RPS6KA2: variants seen among roughly 807,000 people sequenced by gnomAD.
RPS6KA2 encodes the protein ribosomal protein S6 kinase A2.
RPS6KA2 carries 42 observed loss-of-function variants against 91.8 expected under a neutral mutation model. The observed-to-expected ratio is 0.46, with a 90% CI of 0.36 to 0.59. The LOEUF is 0.59. RPS6KA2 is among the 20% of genes least tolerant of loss of function. RPS6KA2 has a pLI of 0.00. For synonymous variants in RPS6KA2, 414 were observed against 393.6 expected, an observed-to-expected ratio of 1.05 and a Z score of -0.61; for missense variants, 798 against 978.5, an observed-to-expected ratio of 0.82 and a Z score of 2.46.
At chr6:166,492,892 T>A (rs1211919511) in intron 8 of RPS6KA2, among the ~76,000 whole-genome samples, 2 of 58,506 alleles carry the variant, frequency 3.4e-5, no homozygotes, top group Non-Finnish European at 7.2e-5. Flanking sequence ...ATTTTTGTAT[T>A]TTTTTTTTTT....
chr6:166,481,890 T>C (rs1202894839), intron 10 of RPS6KA2, among the ~76,000 whole-genome samples: 3 of 150,738 alleles, frequency 2.0e-5, no homozygotes, highest in Non-Finnish European at 4.4e-5. Flanking sequence ...TCTGATAAGA[T>C]GGTAGACTGT....
At chr6:166,514,980 G>A (rs1240154803) in intron 3 of RPS6KA2, among the ~76,000 whole-genome samples, 2 of 152,266 alleles carry the variant, frequency 1.3e-5, no homozygotes, top group East Asian at 3.9e-4. Context: ...GACTTGGTTT[G>A]GAGCTTTGCT....
intron 2 of RPS6KA2, among the ~76,000 whole-genome samples, chr6:166,815,264 A>T (rs1779733791): frequency 6.6e-6 from 1 of 152,316 alleles, no homozygotes; most frequent in East Asian, 1.9e-4. Flanking sequence ...CATTTCCCAC[A>T]TTCTTTACAA....
chr6:166,567,454 A>C (rs982389382), intron 1 of RPS6KA2, among the ~76,000 whole-genome samples: 1 of 152,224 alleles, frequency 6.6e-6, no homozygotes, highest in African/African-American at 2.4e-5. Flanking sequence ...GCTGTCAGGG[A>C]GGAGCAAACA....
chr6:166,651,557 G>A (rs897145429), intron 2 of RPS6KA2, among the ~76,000 whole-genome samples: 1 of 152,208 alleles, frequency 6.6e-6, no homozygotes. Context: ...GGAAAGCTAC[G>A]AAGGCTGTTA....
chr6:166,699,489 T>C (rs567546670), intron 2 of RPS6KA2, among the ~76,000 whole-genome samples: 1 of 152,360 alleles, frequency 6.6e-6, no homozygotes, highest in East Asian at 1.9e-4. Context: ...CTAGTCTGTA[T>C]AGAAATTCAT....
chr6:166,791,948 T>A lies in RPS6KA2; in HGVS notation c.123+66252A>T, dbSNP rs868648775. On this transcript the variant is annotated intron_variant, in intron 2 of 21. Coordinates refer to the RPS6KA2 transcript ENST00000503859. Reference sequence around the variant, plus strand: ...AAAATTGACACCCTAACATCACAATTAAAGAACTAGAGAAGCAAGAGCAAA... The same window carrying A: ...AAAATTGACACCCTAACATCACAATAAAAGAACTAGAGAAGCAAGAGCAAA... Among the ~76,000 whole-genome samples, 826 of 151,454 alleles carry A rather than the reference T, an allele frequency of 5.5e-3. 16 individuals are homozygous for A. The highest frequency in any genetic ancestry group is 0.019 in the African/African-American group (771 of 41,152).
chr6:166,629,822 G>A (rs1787017101), upstream of RPS6KA2, among the ~76,000 whole-genome samples: 1 of 152,156 alleles, frequency 6.6e-6, no homozygotes, highest in South Asian at 2.1e-4. Flanking sequence ...GCTTCTATGA[G>A]TACCAGATTA....
intron 2 of RPS6KA2, among the ~76,000 whole-genome samples, chr6:166,634,242 G>T (rs1276483128): frequency 6.6e-6 from 1 of 152,230 alleles, no homozygotes; most frequent in East Asian, 1.9e-4. Flanking sequence ...GTGTCCTCAT[G>T]AAGAGCAAAC....
At position 166,495,951 on chromosome 6, in the gene RPS6KA2, GC is replaced by G. The variant is rs1301807235; in HGVS notation, c.747+2556del. 6.6e-6 allele frequency among the ~76,000 whole-genome samples: 1 copy of G among 152,188 alleles called. No individual in the cohort carries two copies. Among genetic ancestry groups the G allele is most frequent in the Non-Finnish European group, 1.5e-5 (1 of 68,032 alleles). On this transcript the variant is annotated intron_variant, in intron 8 of 20. Coordinates refer to ENST00000265678, the MANE Select transcript of RPS6KA2 (RefSeq NM_021135.6). This position sits in a 1 kb window ranked among gnomAD's most constrained non-coding sequence, Gnocchi z 4.4. Reference sequence around the variant, plus strand: ...CGTGGTCTCATTTCCTCTTCTTCTGGCCCCTCGTCGTGTCTCCATCTTTGGA... The same window carrying G: ...CGTGGTCTCATTTCCTCTTCTTCTGGCCCTCGTCGTGTCTCCATCTTTGGA...
intron 2 of RPS6KA2, among the ~76,000 whole-genome samples, chr6:166,850,298 C>T (rs1456449858): frequency 2.6e-5 from 4 of 151,150 alleles, no homozygotes; most frequent in African/African-American, 4.9e-5. Context: ...CAAACACACA[C>T]AGCATTATCT....
At chr6:166,778,729 G>A (rs1276436031) in intron 2 of RPS6KA2, among the ~76,000 whole-genome samples, 1 of 152,210 alleles carries the variant, frequency 6.6e-6, no homozygotes, top group Non-Finnish European at 1.5e-5. Flanking sequence ...TCATGCCATT[G>A]CACTCCAGCC....
intron 1 of RPS6KA2, among the ~76,000 whole-genome samples, chr6:166,568,574 C>T (rs764074892): frequency 9.6e-5 from 12 of 125,538 alleles, no homozygotes; most frequent in Non-Finnish European, 9.4e-5. Flanking sequence ...GCCGAGATTG[C>T]GCCATCGCAC....
intron 1 of RPS6KA2, among the ~76,000 whole-genome samples, chr6:166,618,031 G>A (rs1291764107): frequency 6.6e-6 from 1 of 152,266 alleles, no homozygotes; most frequent in Non-Finnish European, 1.5e-5. Context: ...GAGAGAACGT[G>A]AAGCTCTGCA....
intron 2 of RPS6KA2, among the ~76,000 whole-genome samples, chr6:166,750,110 C>A (rs887430930): frequency 3.9e-5 from 6 of 152,138 alleles, no homozygotes; most frequent in Non-Finnish European, 5.9e-5. Context: ...GGTGCCCATG[C>A]CGGAGAGAAG....
intron 2 of RPS6KA2, among the ~76,000 whole-genome samples, chr6:166,745,295 GTGTGT>G (rs1790966627): frequency 6.6e-6 from 1 of 152,074 alleles, no homozygotes; most frequent in South Asian, 2.1e-4. Flanking sequence ...GGGATTTCAG[GTGTGT>G]GCCACCATGC....
intron 2 of RPS6KA2, among the ~76,000 whole-genome samples, chr6:166,660,039 G>A (rs1788117358): frequency 6.6e-6 from 1 of 152,002 alleles, no homozygotes; most frequent in Non-Finnish European, 1.5e-5. Flanking sequence ...TCACAGGCGT[G>A]AGCCACCACA....
intron 2 of RPS6KA2, among the ~76,000 whole-genome samples, chr6:166,742,113 A>G (rs994231913): frequency 4.6e-5 from 7 of 152,202 alleles, no homozygotes; most frequent in Non-Finnish European, 8.8e-5. Context: ...AGCCTGGGTA[A>G]CAGAGCGAGA....
chr6:166,579,066 G>T (rs1257304632), intron 1 of RPS6KA2, among the ~76,000 whole-genome samples: 1 of 152,162 alleles, frequency 6.6e-6, no homozygotes, highest in Non-Finnish European at 1.5e-5. Flanking sequence ...AGGATCAGTG[G>T]ATCATGAAAA....
Sources: allele counts gnomAD v4.1 joint callset (sites outside exome capture counted in the v4.1 genomes callset), GRCh38; gene constraint gnomAD v4.1.1; non-coding constraint Gnocchi (gnomAD v3.1); transcripts MANE v1.5; gene names NCBI Gene and HGNC (gene_info 2026-07-23, HGNC 2026-07-21).